Variants in MRTFB observed in about 807,000 individuals in gnomAD.
MRTFB encodes myocardin-related transcription factor B.
A neutral mutation model predicts 104.2 loss-of-function variants in MRTFB; 29 were observed. That is an observed-to-expected ratio of 0.28 (90% CI 0.21 to 0.38). The LOEUF (loss-of-function observed/expected upper bound fraction) is 0.38, where lower values mean the gene tolerates loss of function less well. MRTFB is among the 10% of genes least tolerant of loss of function. MRTFB has a pLI of 1.00. For synonymous variants in MRTFB, 535 were observed against 519.5 expected, an observed-to-expected ratio of 1.03 and a Z score of -0.41; for missense variants, 1,270 against 1,341.6, an observed-to-expected ratio of 0.95 and a Z score of 0.83.
At chr16:14,101,750 T>A (rs2035714898) in intron 2 of MRTFB, among the ~76,000 whole-genome samples, 3 of 152,202 alleles carry the variant, frequency 2.0e-5, no homozygotes, top group Non-Finnish European at 2.9e-5. Context: ...CACTGAAAAC[T>A]TAGGGTCACT....
chr16:14,187,893 CA>C, intron 3 of MRTFB, among the ~76,000 whole-genome samples: 1 of 152,202 alleles, frequency 6.6e-6, no homozygotes, highest in Non-Finnish European at 1.5e-5. Context: ...CAAAAACCCA[CA>C]ATCCCCCTTT....
At chr16:14,102,155 T>A (rs182745557) in intron 2 of MRTFB, among the ~76,000 whole-genome samples, 2,007 of 150,674 alleles carry the variant, frequency 0.013, 39 homozygotes, top group African/African-American at 0.044. Flanking sequence ...CTGAGTCTTT[T>A]TAAAAAAAAA....
chr16:14,001,182 A>G, the MRTFB span, among the ~76,000 whole-genome samples: 290 of 152,342 alleles, frequency 1.9e-3, 2 homozygotes, highest in African/African-American at 6.8e-3. Context: ...CAACCGAAAC[A>G]CTGATCCTCA....
At chr16:14,192,445 T>G (rs1420477526) in intron 3 of MRTFB, among the ~76,000 whole-genome samples, 3 of 152,192 alleles carry the variant, frequency 2.0e-5, no homozygotes, top group Admixed American at 2.0e-4. Flanking sequence ...AAGATATCTC[T>G]TCACAGACAT....
At position 14,266,481 on chromosome 16, in the gene MRTFB, T is replaced by G. The variant is rs1272540188; in HGVS notation, c.*5037T>G. On this transcript the variant is annotated 3_prime_UTR_variant, in exon 17 of 17. Transcript: ENST00000571589. ...AGCACTAGTTTAATCAACAAAAAAT[T>G]ATGGCAATCGGGGGTCCATTCATCT... 3.3e-5 allele frequency: 5 copies of G among 152,216 alleles called. No individual in the cohort carries two copies. The highest frequency in any genetic ancestry group is 7.3e-5 in the Non-Finnish European group (5 of 68,042). 9.4% of individuals were successfully genotyped at this position (152,216 alleles called of 1,614,324 possible).
chr16:14,038,602 A>T, the MRTFB span, among the ~76,000 whole-genome samples: 1 of 152,232 alleles, frequency 6.6e-6, no homozygotes, highest in Non-Finnish European at 1.5e-5. Flanking sequence ...CCTCAGACAC[A>T]GAGCTTTGGC....
chr16:14,174,234 A>G (rs2039510978), intron 3 of MRTFB, among the ~76,000 whole-genome samples: 1 of 152,198 alleles, frequency 6.6e-6, no homozygotes, highest in African/African-American at 2.4e-5. Context: ...TCTGTCTTGT[A>G]CTAAGAGTGG....
chr16:14,066,219 C>G, the MRTFB span, among the ~76,000 whole-genome samples: 4 of 151,058 alleles, frequency 2.6e-5, no homozygotes, highest in Non-Finnish European at 4.4e-5. Flanking sequence ...TTTTTGGAAA[C>G]CATACCTTAT....
At position 14,247,418 on chromosome 16, in the gene MRTFB, A is replaced by G; in HGVS notation, c.2158A>G (p.Thr720Ala). 6.2e-7 allele frequency: 1 copy of G among 1,611,660 alleles called. No homozygotes were observed. The highest frequency in any genetic ancestry group is 8.5e-7 in the Non-Finnish European group (1 of 1,179,950). ...TGCTCAGCCCCAGGCTTTACTGACCACGCAGACTGCTCAGCTGCTGCTCCC... is the reference window on the plus strand; with the variant it reads ...TGCTCAGCCCCAGGCTTTACTGACCGCGCAGACTGCTCAGCTGCTGCTCCC... ...VVAQPQALLTTQTAQLLLPVS... is the reference protein window; with the variant it reads ...VVAQPQALLTAQTAQLLLPVS... The change falls in exon 12 of 17, where the codon ACG (threonine) becomes GCG (alanine). Residue 720 changes from threonine to alanine, a missense_variant. Thr to Ala is a moderately conservative substitution (Grantham distance 58). Transcript: ENST00000571589.
chr16:14,214,050 A>C (rs1041978059), intron 6 of MRTFB, among the ~76,000 whole-genome samples: 1 of 152,164 alleles, frequency 6.6e-6, no homozygotes, highest in African/African-American at 2.4e-5. Context: ...ATTGCCACTT[A>C]CCCACAACAA....
At chr16:14,219,043 G>GT (rs763988536) in intron 8 of MRTFB, 45 bp downstream of exon 8, 1,277 of 1,489,528 alleles carry the variant, frequency 8.6e-4, no homozygotes, top group South Asian at 1.4e-3. Flanking sequence ...AAAATGCCTT[G>GT]TTTTTTTTTA....
At chr16:14,114,122 T>C (rs370556429) in intron 2 of MRTFB, among the ~76,000 whole-genome samples, 4 of 152,208 alleles carry the variant, frequency 2.6e-5, no homozygotes, top group Admixed American at 1.3e-4. Context: ...TTTATACTGA[T>C]ATATTTGTGG....
At position 14,240,449 on chromosome 16, in the gene MRTFB, C is replaced by G; in HGVS notation, c.1044C>G (p.His348Gln). 6.2e-7 allele frequency: 1 copy of G among 1,614,244 alleles called. No individual in the cohort carries two copies. ...AGATCCTGAGTCAGCAGAAGCAGCA[C>G]TACAACTACCAGACCATCCTGCCTG... Reference protein sequence around the residue: ...QLQILSQQKQHYNYQTILPAP... With the variant: ...QLQILSQQKQQYNYQTILPAP... Residue 348 changes from histidine (H) to glutamine (Q), a missense_variant, in exon 10 of 17, where the codon CAC becomes CAG. Around this residue, in one of 3 missense-constraint regions of MRTFB, gnomAD observed 1,144 missense variants for 1,131.5 expected, o/e 1.01. Transcript: ENST00000571589.
chr16:13,996,638 A>G, the MRTFB span, among the ~76,000 whole-genome samples: 5 of 152,226 alleles, frequency 3.3e-5, no homozygotes, highest in Non-Finnish European at 7.3e-5. Flanking sequence ...GATGGATATT[A>G]ATGAAATAAT....
intron 8 of MRTFB, among the ~76,000 whole-genome samples, chr16:14,231,599 C>T (rs1567195860): frequency 1.3e-5 from 2 of 152,292 alleles, no homozygotes; most frequent in East Asian, 3.9e-4. Context: ...CATGTGTTCT[C>T]ATCATTTAGC....
Position 14,264,103 on chromosome 16 carries a change from T to C in MRTFB, c.*2659T>C, listed in dbSNP as rs1176386802. The C allele has an allele frequency of 1.3e-5, 2 of 152,236 alleles. No individual in the cohort carries two copies. The allele number at this position is 152,236 out of a possible 1,614,324, so 9.4% of individuals were successfully genotyped here. On this transcript the variant is annotated 3_prime_UTR_variant, in exon 17 of 17. Transcript: ENST00000571589. ...TGGTTGTTGTTGTTGTTTAGGTTAG[T>C]GTCACAGCCATTACAGCACAAGTCA...
At chr16:14,009,804 ATGT>A in the MRTFB span, 1 of 152,196 alleles carries the variant, frequency 6.6e-6, no homozygotes, top group South Asian at 2.1e-4. Context: ...TTCACTAAAG[ATGT>A]TGTAGGGCAG....
chr16:14,213,503 A>C (rs1384183394), intron 5 of MRTFB, 42 bp from the exon 6 acceptor site: 1 of 1,370,242 alleles, frequency 7.3e-7, no homozygotes, highest in East Asian at 2.3e-5. Flanking sequence ...AACCACAATA[A>C]ATAATAAATG....
rs1345536625 is a variant in MRTFB at position 14,246,837 on chromosome 16, T to C, written c.1577T>C (p.Phe526Ser). 1.9e-6 allele frequency: 3 copies of C among 1,612,176 alleles called. No homozygotes were observed. Among genetic ancestry groups the C allele is most frequent in the East Asian group, 4.5e-5 (2 of 44,884 alleles). Residue 526 changes from phenylalanine to serine, a missense_variant, in exon 12 of 17, where the codon TTC (phenylalanine) becomes TCC (serine). This residue lies in a region of MRTFB where 1,144 missense variants were observed against 1,131.5 expected (regional missense o/e 1.01). Coordinates refer to ENST00000571589, the MANE Select transcript of MRTFB (RefSeq NM_001308142.2). ...GATGACACAAACATGGCAGACACTT[T>C]CACCGAGATTATGACCATGATGTCG... ...STDDTNMADT[F>S]TEIMTMMSPS...
Sources: allele counts gnomAD v4.1 joint callset (sites outside exome capture counted in the v4.1 genomes callset), GRCh38; gene constraint gnomAD v4.1.1; regional missense constraint gnomAD v4.1.1; transcripts MANE v1.5; gene names NCBI Gene and HGNC (gene_info 2026-07-23, HGNC 2026-07-21).